The following CPQ variants were observed in gnomAD, a reference collection of about 807,000 sequenced individuals.
CPQ encodes Ser-Met dipeptidase.
A neutral mutation model predicts 45.7 loss-of-function variants in CPQ; 37 were observed. That is an observed-to-expected ratio of 0.81 (90% CI 0.62 to 1.07). The LOEUF is 1.07. Ranked by LOEUF, CPQ falls within the 50% of genes least tolerant of loss-of-function variation. The pLI, the probability that CPQ is intolerant of heterozygous loss-of-function variation, is 0.00. For missense variants in CPQ, 537 were observed against 572.9 expected (o/e 0.94, Z 0.64); for synonymous variants, 186 against 205.8 (o/e 0.90, Z 0.82).
intron 1 of CPQ, among the ~76,000 whole-genome samples, chr8:96,767,965 C>A (rs1466243670): frequency 1.3e-5 from 2 of 151,894 alleles, no homozygotes; most frequent in South Asian, 2.1e-4. Context: ...TATACTAGTT[C>A]TTTCCTCCCT....
At chr8:96,699,894 T>C (rs950644058) in intron 1 of CPQ, among the ~76,000 whole-genome samples, 7 of 152,098 alleles carry the variant, frequency 4.6e-5, no homozygotes, top group Non-Finnish European at 8.8e-5. Flanking sequence ...TAAAAGAAGA[T>C]GTGGGGTAGA....
At chr8:96,769,389 C>A (rs984938410) in intron 1 of CPQ, among the ~76,000 whole-genome samples, 1 of 152,048 alleles carries the variant, frequency 6.6e-6, no homozygotes, top group African/African-American at 2.4e-5. Context: ...TTTATCTGTG[C>A]TTTTATTGAT....
intron 4 of CPQ, among the ~76,000 whole-genome samples, chr8:96,964,170 GTA>G (rs887373911): frequency 1.3e-5 from 1 of 79,958 alleles, no homozygotes; most frequent in Admixed American, 1.6e-4. Context: ...TTTGGTTAAA[GTA>G]TACACACACA....
intron 1 of CPQ, among the ~76,000 whole-genome samples, chr8:96,693,336 A>G (rs1348423312): frequency 6.6e-6 from 1 of 152,122 alleles, no homozygotes; most frequent in Non-Finnish European, 1.5e-5. Context: ...CCAAACCTAG[A>G]GAAAGATATC....
chr8:96,832,579 A>C (rs1473262221), intron 2 of CPQ, among the ~76,000 whole-genome samples: 1 of 152,166 alleles, frequency 6.6e-6, no homozygotes, highest in Non-Finnish European at 1.5e-5. Flanking sequence ...GATATGTCCC[A>C]GGTACTCTGA....
chr8:97,120,493 A>G (rs1441971540), intron 7 of CPQ, among the ~76,000 whole-genome samples: 1 of 152,190 alleles, frequency 6.6e-6, no homozygotes, highest in African/African-American at 2.4e-5. Context: ...ATGATTCTTC[A>G]TTTTACAAGT....
At chr8:97,074,363 G>C (rs1810806381) in intron 7 of CPQ, among the ~76,000 whole-genome samples, 1 of 152,154 alleles carries the variant, frequency 6.6e-6, no homozygotes, top group South Asian at 2.1e-4. Context: ...GGAAGTTTTT[G>C]GTATAGTACC....
At chr8:96,923,023 A>G (rs1372969066) in intron 4 of CPQ, among the ~76,000 whole-genome samples, 1 of 151,918 alleles carries the variant, frequency 6.6e-6, no homozygotes, top group Non-Finnish European at 1.5e-5. Context: ...AATGGAGACA[A>G]CTCCTCAACA....
chr8:97,137,490 T>A (rs932521222), intron 7 of CPQ, among the ~76,000 whole-genome samples: 5 of 152,216 alleles, frequency 3.3e-5, no homozygotes, highest in Non-Finnish European at 7.3e-5. Context: ...ATTCACCTGA[T>A]ACTCTGTGGG....
intron 4 of CPQ, among the ~76,000 whole-genome samples, chr8:96,900,973 C>G (rs1812505518): frequency 6.6e-6 from 1 of 152,118 alleles, no homozygotes; most frequent in Admixed American, 6.6e-5. Context: ...CCAATTTTCT[C>G]TTTCCTGGGC....
chr8:96,947,602 C>A (rs1388355581), intron 4 of CPQ, among the ~76,000 whole-genome samples: 1 of 151,430 alleles, frequency 6.6e-6, no homozygotes, highest in African/African-American at 2.4e-5. Context: ...TGTAAAAAAA[C>A]AAACAAACAA....
chr8:97,069,962 C>T lies in CPQ; in HGVS notation c.1255+3752C>T, dbSNP rs565320062. On this transcript the variant is annotated intron_variant, in intron 7 of 7. Coordinates refer to ENST00000220763, the MANE Select transcript of CPQ (RefSeq NM_016134.4). ...AAGACAAAAGGATCAATTTATAATACGGCCATCTTTGGGAGAGAAAAGATG... is the reference window on the plus strand; with the variant it reads ...AAGACAAAAGGATCAATTTATAATATGGCCATCTTTGGGAGAGAAAAGATG... Among the ~76,000 whole-genome samples, 13 of 152,192 alleles carry T rather than the reference C, an allele frequency of 8.5e-5. No individual in the cohort carries two copies. In the South Asian group the frequency reaches 1.0e-3, roughly 12 times the overall value.
intron 1 of CPQ, among the ~76,000 whole-genome samples, chr8:96,741,982 C>G (rs1380791156): frequency 6.9e-6 from 1 of 144,398 alleles, no homozygotes; most frequent in African/African-American, 2.6e-5. Context: ...CTGTAGATGT[C>G]TATTAGGTCC....
In CPQ at chr8:96,766,179, A is replaced by T. The variant is rs140218615; in HGVS notation, c.-34-18685A>T. Among the ~76,000 whole-genome samples, 445 of 152,268 alleles carry T rather than the reference A, an allele frequency of 2.9e-3. 6 individuals are homozygous for T. The highest frequency in any genetic ancestry group is 0.011 in the Admixed American group (171 of 15,298). Reference sequence around the variant, plus strand: ...GAGGATTGAATCAGATGAGATATAGAAAAGCCCTTAGCCCAGTGCTTGCTA... The same window carrying T: ...GAGGATTGAATCAGATGAGATATAGTAAAGCCCTTAGCCCAGTGCTTGCTA... On this transcript the variant is annotated intron_variant, in intron 1 of 7. Transcript: ENST00000220763.
chr8:97,029,949 C>T (rs891896961), intron 6 of CPQ, among the ~76,000 whole-genome samples: 1 of 152,170 alleles, frequency 6.6e-6, no homozygotes, highest in African/African-American at 2.4e-5. Context: ...GAAATGGCAG[C>T]AGCCACAGGC....
chr8:97,085,885 A>G (rs934816805), intron 7 of CPQ, among the ~76,000 whole-genome samples: 1 of 152,206 alleles, frequency 6.6e-6, no homozygotes, highest in African/African-American at 2.4e-5. Flanking sequence ...ATGTGTTGTA[A>G]TGCTTAATTA....
chr8:97,034,891 A>ATTTTTTTTTTTTTTTT (rs111486679), intron 6 of CPQ, among the ~76,000 whole-genome samples: 1 of 123,026 alleles, frequency 8.1e-6, no homozygotes, highest in Non-Finnish European at 1.8e-5. Flanking sequence ...GTCCCTTTCT[A>ATTTTTTTTTTTTTTTT]TTTTTTTTTT....
At chr8:96,949,320 T>G (rs1405173529) in intron 4 of CPQ, among the ~76,000 whole-genome samples, 1 of 152,016 alleles carries the variant, frequency 6.6e-6, no homozygotes, top group Non-Finnish European at 1.5e-5. Context: ...TACCTTTTCA[T>G]GGGTTTTGGA....
chr8:96,769,874 A>G (rs962102697), intron 1 of CPQ, among the ~76,000 whole-genome samples: 1 of 151,934 alleles, frequency 6.6e-6, no homozygotes, highest in African/African-American at 2.4e-5. Context: ...AGGGAGCTTC[A>G]TATTTGTTTG....
Sources: allele counts gnomAD v4.1 joint callset (sites outside exome capture counted in the v4.1 genomes callset), GRCh38; gene constraint gnomAD v4.1.1; transcripts MANE v1.5; gene names NCBI Gene and HGNC (gene_info 2026-07-23, HGNC 2026-07-21).